AP1M1: variants seen among roughly 807,000 people sequenced by gnomAD.
AP1M1 encodes the protein AP-1 complex subunit mu-1.
AP1M1 carries 18 observed loss-of-function variants against 57.1 expected under a neutral mutation model. The observed-to-expected ratio is 0.32, with a 90% CI of 0.22 to 0.47. AP1M1 has a LOEUF of 0.47. Among genes scored for constraint, AP1M1 ranks in the 20% least tolerant of loss-of-function variants. AP1M1 has a pLI of 1.00. For missense variants in AP1M1, 362 were observed against 593.5 expected (o/e 0.61, Z 4.05); for synonymous variants, 241 against 237.9 (o/e 1.01, Z -0.12).
intron 9 of AP1M1, among the ~76,000 whole-genome samples, chr19:16,231,310 A>G (rs2091596033): frequency 3.6e-5 from 1 of 28,046 alleles, no homozygotes; most frequent in East Asian, 6.0e-4. Context: ...AAAAAAAAAA[A>G]CACAGAGAGA....
intron 6 of AP1M1, chr19:16,226,777 C>G: frequency 2.0e-6 from 1 of 512,668 alleles, no homozygotes; most frequent in Non-Finnish European, 3.3e-6. Context: ...CCCCGTCACC[C>G]GGCCTCACAC....
chr19:16,244,485 T>C lies in AP1M1; in HGVS notation c.*10050T>C, dbSNP rs911396854. The C allele has an allele frequency of 6.6e-6, 1 of 152,126 alleles. No homozygotes were observed. The highest frequency in any genetic ancestry group is 2.4e-5 in the African/African-American group (1 of 41,424). The allele number at this position is 152,126 out of a possible 1,614,324, so 9.4% of individuals were successfully genotyped here. On this transcript the variant is annotated 3_prime_UTR_variant, in exon 12 of 12. Transcript: ENST00000291439. ...CAGTTTCTGGAGTTTTTTTAAGTGA[T>C]AGAATTATACAACAGGAAAAAAAGT...
At chr19:16,209,371 C>A in intron 5 of AP1M1, 194 bp downstream of exon 5, 1 of 573,716 alleles carries the variant, frequency 1.7e-6, no homozygotes, top group Non-Finnish European at 2.9e-6. Flanking sequence ...CATTCTGTCG[C>A]CCAGGCTAGA....
chr19:16,226,593 A>G (rs781218996), intron 6 of AP1M1, 46 bp downstream of exon 6: 2 of 1,543,558 alleles, frequency 1.3e-6, no homozygotes, highest in African/African-American at 1.4e-5. Flanking sequence ...TGGCCTCACC[A>G]GGCACACACA....
At chr19:16,214,243 A>T (rs947132284) in intron 5 of AP1M1, among the ~76,000 whole-genome samples, 1 of 150,958 alleles carries the variant, frequency 6.6e-6, no homozygotes, top group Non-Finnish European at 1.5e-5. Flanking sequence ...TAGTAGAGAC[A>T]GAGTTTCACC....
intron 9 of AP1M1, among the ~76,000 whole-genome samples, chr19:16,232,565 T>C (rs2091603568): frequency 6.6e-6 from 1 of 152,178 alleles, no homozygotes; most frequent in Non-Finnish European, 1.5e-5. Flanking sequence ...CCCCCCGTCA[T>C]CCTCCTGGAG....
At position 16,197,936 on chromosome 19, in the gene AP1M1, C is replaced by G; in HGVS notation, c.-91C>G. ...GGAAGTGGAGGTGAGCTGTCGCGGG[C>G]GGCGCCCGGCCTTGCTCAACGCCCA... On this transcript the variant is annotated 5_prime_UTR_variant, in exon 1 of 12. Coordinates refer to ENST00000291439, the MANE Select transcript of AP1M1 (RefSeq NM_032493.4). 1.9e-6 allele frequency: 2 copies of G among 1,026,924 alleles called. No homozygotes were observed. Among genetic ancestry groups the G allele is most frequent in the South Asian group, 2.0e-5 (1 of 49,272 alleles). 63.6% of individuals were successfully genotyped at this position (1,026,924 alleles called of 1,614,324 possible). A position where few individuals can be genotyped will look rare whatever the true frequency, so the allele number is the denominator to read the frequency against.
intron 6 of AP1M1, chr19:16,226,783 C>A: frequency 2.1e-6 from 1 of 483,592 alleles, no homozygotes; most frequent in South Asian, 3.3e-5. Flanking sequence ...CACCCGGCCT[C>A]ACACGCCAGG....
rs781101766 is a variant in AP1M1, at chr19:16,236,865, T to A, written c.*2430T>A. ...TCCTGAAAATTACAAAACACGTGCA[T>A]GAAAGCAAACTTGAAACAGCAGGAT... On this transcript the variant is annotated 3_prime_UTR_variant, in exon 12 of 12. Coordinates refer to ENST00000291439, the MANE Select transcript of AP1M1 (RefSeq NM_032493.4). 6.6e-6 allele frequency: 1 copy of A among 151,876 alleles called. No homozygotes were observed. Among genetic ancestry groups the A allele is most frequent in the Non-Finnish European group, 1.5e-5 (1 of 68,042 alleles). The allele number at this position is 151,876 out of a possible 1,614,324, so 9.4% of individuals were successfully genotyped here.
At chr19:16,221,358 G>A (rs913051964) in intron 5 of AP1M1, among the ~76,000 whole-genome samples, 2 of 152,222 alleles carry the variant, frequency 1.3e-5, no homozygotes, top group Non-Finnish European at 2.9e-5. Flanking sequence ...GGTGCTCCTC[G>A]CAGATGGAAC....
chr19:16,229,379 C>T (rs899124138), intron 9 of AP1M1, among the ~76,000 whole-genome samples: 11 of 152,272 alleles, frequency 7.2e-5, no homozygotes, highest in Non-Finnish European at 1.5e-4. Flanking sequence ...CACCAGCCGC[C>T]CATGTCCTGG....
rs1173070381 is a variant in AP1M1 at position 16,234,837 on chromosome 19, CGTTTT to C, written c.*406_*410del. ...AGCCTCGCCAGGCCAGCAGGGGCGT[CGTTTT>C]GTTGCCATTTTGTTGAACGTTATGG... On this transcript the variant is annotated 3_prime_UTR_variant, in exon 12 of 12. Coordinates refer to ENST00000291439, the MANE Select transcript of AP1M1 (RefSeq NM_032493.4). 1.8e-5 allele frequency: 6 copies of C among 326,374 alleles called. No individual in the cohort carries two copies. In the East Asian group the frequency reaches 3.7e-4, roughly 20 times the overall value. 20.2% of individuals were successfully genotyped at this position (326,374 alleles called of 1,614,324 possible). A position where few individuals can be genotyped will look rare whatever the true frequency, so the allele number is the denominator to read the frequency against.
In AP1M1 at chr19:16,239,239, C is replaced by CCTTTTTTTT. The variant is rs2091636479; in HGVS notation, c.*4804_*4805insCTTTTTTTT. ...TGAGCCACCGCGCCCGGCCAGTTCT[C>CCTTTTTTTT]TTTTTTTTTTTTTTTTTTTTTTTTT... On this transcript the variant is annotated 3_prime_UTR_variant, in exon 12 of 12. Coordinates refer to ENST00000291439, the MANE Select transcript of AP1M1 (RefSeq NM_032493.4). 5.1e-5 allele frequency: 2 copies of CCTTTTTTTT among 39,232 alleles called. No homozygotes were observed. Among genetic ancestry groups the CCTTTTTTTT allele is most frequent in the African/African-American group, 1.8e-4 (2 of 11,246 alleles). The allele number at this position is 39,232 out of a possible 1,614,324, so 2.4% of individuals were successfully genotyped here.
chr19:16,198,109 G>A, intron 1 of AP1M1, 41 bp downstream of exon 1: 1 of 1,587,434 alleles, frequency 6.3e-7, no homozygotes, highest in Non-Finnish European at 8.5e-7. Flanking sequence ...CAGGCAACCG[G>A]CAGGGGCCTC....
Position 16,228,247 on chromosome 19 carries a change from GTC to G in AP1M1, c.888+43_888+44del, listed in dbSNP as rs759059357. On this transcript the variant is annotated intron_variant, in intron 8 of 11. Transcript: ENST00000291439. This position sits in a 1 kb window ranked among gnomAD's most constrained non-coding sequence, Gnocchi z 5.0. ...GGCCACCCACTGAGGGCCTTCTGGTGTCTCTGGCCCGTCCCAGGAGCCTAACC... is the reference window on the plus strand; with the variant it reads ...GGCCACCCACTGAGGGCCTTCTGGTGTCTGGCCCGTCCCAGGAGCCTAACC... 1 of 1,605,014 alleles carries G rather than the reference GTC, an allele frequency of 6.2e-7. No individual in the cohort carries two copies.
At position 16,234,180 on chromosome 19, in the gene AP1M1, C is replaced by A; in HGVS notation, c.1174-19C>A. 1 of 1,608,836 alleles carries A rather than the reference C, an allele frequency of 6.2e-7. No homozygotes were observed. Among genetic ancestry groups the A allele is most frequent in the Non-Finnish European group, 8.5e-7 (1 of 1,177,432 alleles). On this transcript the variant is annotated intron_variant, in intron 10 of 11. Transcript: ENST00000291439. ...GGCGGGAGCCTGCGGTGCTCAGGGCCCTGCTACCTGTGCCCCAGGTGCGCT... is the reference window on the plus strand; with the variant it reads ...GGCGGGAGCCTGCGGTGCTCAGGGCACTGCTACCTGTGCCCCAGGTGCGCT...
chr19:16,219,937 G>T (rs1305383606), intron 5 of AP1M1, among the ~76,000 whole-genome samples: 2 of 152,014 alleles, frequency 1.3e-5, no homozygotes, highest in Admixed American at 1.3e-4. Flanking sequence ...TTCTTTTTAT[G>T]TATTGCTGGA....
At chr19:16,216,230 G>A (rs1426754678) in intron 5 of AP1M1, among the ~76,000 whole-genome samples, 1 of 152,152 alleles carries the variant, frequency 6.6e-6, no homozygotes, top group African/African-American at 2.4e-5. Context: ...CGGATCACAA[G>A]GTCAGGAGAT....
chr19:16,231,569 A>G (rs997903340), intron 9 of AP1M1, among the ~76,000 whole-genome samples: 5 of 151,972 alleles, frequency 3.3e-5, no homozygotes, highest in Non-Finnish European at 7.4e-5. Flanking sequence ...AGCTAAGATT[A>G]CAGGCACATG....
Sources: allele counts gnomAD v4.1 joint callset (sites outside exome capture counted in the v4.1 genomes callset), GRCh38; gene constraint gnomAD v4.1.1; non-coding constraint Gnocchi (gnomAD v3.1); transcripts MANE v1.5; gene names NCBI Gene and HGNC (gene_info 2026-07-23, HGNC 2026-07-21).